The following MICALL2 variants were observed in gnomAD, a reference collection of about 807,000 sequenced individuals.
MICALL2 encodes the protein MICAL like 2, also known as MICAL-like protein 2.
In MICALL2, 111 loss-of-function variants were observed where a neutral mutation model predicts 91.1. The ratio of observed to expected loss-of-function variants is 1.22; its 90% CI spans 1.04 to 1.43. The LOEUF is 1.43. Among genes scored for constraint, MICALL2 ranks in the 40% most tolerant of loss-of-function variants. MICALL2 has a pLI of 0.00. For missense variants in MICALL2, 1,556 were observed against 1,236.0 expected, an observed-to-expected ratio of 1.26 and a Z score of -3.88; for synonymous variants, 694 against 525.3, an observed-to-expected ratio of 1.32 and a Z score of -4.39.
Position 1,444,709 on chromosome 7 carries a change from T to C in MICALL2, c.1361A>G (p.Asn454Ser). Residue 454 changes from asparagine to serine, a missense_variant, in exon 6 of 17, where the codon AAC becomes AGC. Physicochemically the swap from Asn to Ser is conservative, Grantham distance 46. Coordinates refer to ENST00000297508, the MANE Select transcript of MICALL2 (RefSeq NM_182924.4). The part of the protein sequence containing the change: ...SKDSSKEQAR[N>S]FLKQALSALE... ...CGCTGAGAGGGCCTGCTTGAGGAAG[T>C]TCCGCGCCTGCTCCTTGCTGCTGTC... The C allele has an allele frequency of 6.2e-7, 1 of 1,612,370 alleles. No homozygotes were observed. Among genetic ancestry groups the C allele is most frequent in the South Asian group, 1.1e-5 (1 of 91,078 alleles).
intron 16 of MICALL2, 148 bp downstream of exon 16, chr7:1,434,953 G>A: frequency 1.1e-6 from 1 of 914,910 alleles, no homozygotes; most frequent in Non-Finnish European, 1.7e-6. Context: ...TGCCTGTCCT[G>A]TCACCAAGGC....
At chr7:1,458,285 GGCCCCAGGTGCT>G (rs1185944722) in intron 1 of MICALL2, among the ~76,000 whole-genome samples, 2 of 152,174 alleles carry the variant, frequency 1.3e-5, no homozygotes, top group Non-Finnish European at 2.9e-5. Context: ...GCCTGACAGA[GGCCCCAGGTGCT>G]GCCTGTGGCT....
rs749064062 is a variant in MICALL2, at chr7:1,448,795, T to C, written c.193-34A>G. The stretch of plus-strand genomic sequence containing the variant: ...GGTGGGAGGGGGTCAGCGGGGCAGC[T>C]GGGAGCCCCCTCCTTCTCCACCAGG... On this transcript the variant is annotated intron_variant, in intron 2 of 16. Coordinates refer to ENST00000297508, the MANE Select transcript of MICALL2 (RefSeq NM_182924.4). 3.1e-6 allele frequency: 5 copies of C among 1,608,796 alleles called. No homozygotes were observed. The East Asian group carries it at 8.9e-5, about 29-fold the overall frequency.
In MICALL2 at chr7:1,435,117, G is replaced by T. The variant is rs1315139015; in HGVS notation, c.2622C>A (p.Asp874Glu). 6.2e-7 allele frequency: 1 copy of T among 1,613,402 alleles called. No homozygotes were observed. Among genetic ancestry groups the T allele is most frequent in the Non-Finnish European group, 8.5e-7 (1 of 1,179,968 alleles). Residue 874 changes from aspartate to glutamate, a missense_variant, in exon 16 of 17, where the codon GAC (aspartate) becomes GAA (glutamate). By Grantham distance (45) the Asp-to-Glu change is conservative. Coordinates refer to ENST00000297508, the MANE Select transcript of MICALL2 (RefSeq NM_182924.4). Reference protein sequence around the residue: ...REQEEDQMLRDMIEKLGLQRK... With the variant: ...REQEEDQMLREMIEKLGLQRK... ...CCCAGTCACCCAGCTTCTCAATCAT[G>T]TCCCGCAGCATCTGATCCTCCTCTT...
chr7:1,438,484 C>T (rs556658340), intron 10 of MICALL2, 131 bp from the exon 11 acceptor site: 15 of 1,478,222 alleles, frequency 1.0e-5, no homozygotes, highest in Middle Eastern at 2.5e-4. Context: ...ATGCCCCACA[C>T]GCCCACTGGA....
Position 1,440,683 on chromosome 7 carries a change from G to A in MICALL2, c.1713C>T (p.Asp571=). 5 of 1,611,156 alleles carry A rather than the reference G, an allele frequency of 3.1e-6. No individual in the cohort carries two copies. The highest frequency in any genetic ancestry group is 4.2e-6 in the Non-Finnish European group (5 of 1,179,640). Residue 571 remains aspartate, a splice_region_variant and synonymous_variant, in exon 8 of 17, where the codon GAC becomes GAT. Transcript: ENST00000297508. ...GGCCTTCCTGGAGGCTGGTGCTCAT[G>A]TCTGGGTGGGAGGCAAGGGGTCTGG... The part of the protein sequence containing the change: ...AKGKSTTLTQ[D]MSTSLQEGQE...
rs189001253 is a variant in MICALL2 at position 1,445,216 on chromosome 7, G to T, written c.854C>A (p.Ser285Ter). The T allele has an allele frequency of 1.2e-6, 2 of 1,606,392 alleles. No individual in the cohort carries two copies. The part of the protein sequence containing the change: ...KAQEANKARP[S>*]AWEPAAGNSP... ...GTTGCCCGCAGCAGGCTCCCAGGCC[G>T]ACGGTCTGGCCTTGTTTGCCTCCTG... Residue 285 changes from serine to a stop codon, truncating the protein, a stop_gained, in exon 6 of 17, where the codon TCG becomes TAG. Transcript: ENST00000297508. LOFTEE classifies it high-confidence loss of function.
rs1235782936 is a variant in MICALL2, at chr7:1,446,545, G to A, written c.641+168C>T. ...GGGAGAAGGGGAGGAGAGGGGAGGA[G>A]GCGGGAGGAGGGGAGACGGGGAGGG... On this transcript the variant is annotated intron_variant, in intron 5 of 16. Coordinates refer to ENST00000297508, the MANE Select transcript of MICALL2 (RefSeq NM_182924.4). 6 of 568,758 alleles carry A rather than the reference G, an allele frequency of 1.1e-5. No individual in the cohort carries two copies. The Admixed American group carries it at 1.6e-4, about 15-fold the overall frequency. 35.2% of individuals were successfully genotyped at this position (568,758 alleles called of 1,614,324 possible). A position where few individuals can be genotyped will look rare whatever the true frequency, so the allele number is the denominator to read the frequency against.
intron 10 of MICALL2, 152 bp downstream of exon 10, chr7:1,438,688 G>A: frequency 6.8e-7 from 1 of 1,466,108 alleles, no homozygotes. Context: ...ATGAGGGCGG[G>A]CCTGGGGCAC....
chr7:1,445,417 C>T lies in MICALL2; in HGVS notation c.653G>A (p.Cys218Tyr). The T allele has an allele frequency of 6.5e-7, 1 of 1,543,912 alleles. No individual in the cohort carries two copies. The highest frequency in any genetic ancestry group is 2.4e-5 in the East Asian group (1 of 41,448). The change falls in exon 6 of 17, where the codon TGC (cysteine) becomes TAC (tyrosine). Residue 218 changes from cysteine (C) to tyrosine (Y), a missense_variant. Transcript: ENST00000297508. ...GGCCCCCGAGTGCAGCGTGCAGGAG[C>T]ACTGCTTACACCTGGGGGAGGAAAG... is the stretch of plus-strand genomic sequence containing the variant. ...YHRSCFRCKQ[C>Y]SCTLHSGAYK...
intron 9 of MICALL2, 86 bp from the exon 10 acceptor site, chr7:1,439,081 C>A (rs1218470262): frequency 6.3e-6 from 7 of 1,108,542 alleles, no homozygotes; most frequent in African/African-American, 1.6e-5. Flanking sequence ...CAACAGCTCG[C>A]TGGGTAGCCC....
At chr7:1,439,155 C>T (rs958492846) in intron 9 of MICALL2, 160 bp from the exon 10 acceptor site, 34 of 608,790 alleles carry the variant, frequency 5.6e-5, no homozygotes, top group Admixed American at 1.6e-4. Context: ...CCTACACCCA[C>T]GTCCTGCCCA....
rs770011692 is a variant in MICALL2 at position 1,445,134 on chromosome 7, C to A, written c.936G>T (p.Thr312=). The part of the protein sequence containing the change: ...AAPNPAATSA[T]SVHVRSPARP... ...TGGCTGGGCTCCTCACGTGGACGGA[C>A]GTGGCGCTGGTGGCTGCAGGGTTGG... Residue 312 remains threonine, a synonymous_variant, in exon 6 of 17, where the codon ACG becomes ACT. Coordinates refer to ENST00000297508, the MANE Select transcript of MICALL2 (RefSeq NM_182924.4). 2 of 1,563,728 alleles carry A rather than the reference C, an allele frequency of 1.3e-6. No homozygotes were observed. Among genetic ancestry groups the A allele is most frequent in the Non-Finnish European group, 1.7e-6 (2 of 1,155,080 alleles).
chr7:1,458,575 C>T (rs749231778), intron 1 of MICALL2, among the ~76,000 whole-genome samples: 19 of 152,250 alleles, frequency 1.2e-4, no homozygotes, highest in Non-Finnish European at 2.4e-4. Flanking sequence ...CACGCCAAGA[C>T]CCTCCTGGGG....
At chr7:1,453,013 TC>T (rs979258735) in intron 1 of MICALL2, among the ~76,000 whole-genome samples, 1 of 151,090 alleles carries the variant, frequency 6.6e-6, no homozygotes, top group African/African-American at 2.4e-5. Context: ...CACCTTGCTG[TC>T]CCCGAGCTCA....
intron 9 of MICALL2, 96 bp from the exon 10 acceptor site, chr7:1,439,091 C>G (rs908970447): frequency 3.0e-6 from 3 of 1,001,020 alleles, no homozygotes; most frequent in Non-Finnish European, 4.3e-6. Flanking sequence ...CTGGGTAGCC[C>G]GGCCATCCCC....
chr7:1,442,324 GA>G lies in MICALL2; in HGVS notation c.1578del (p.Gln527ArgfsTer42), dbSNP rs891659553. The G allele has an allele frequency of 6.2e-7, 1 of 1,613,084 alleles. No homozygotes were observed. Among genetic ancestry groups the G allele is most frequent in the Non-Finnish European group, 8.5e-7 (1 of 1,179,892 alleles). ...CCTGCCGGGGGCAACGCGGATGCCT[GA>G]GAGGTACTGCTCGTGCTCAGCGGGG... ...PPAPLSTSST[S>X]QASALPPAGR... On this transcript the variant is annotated frameshift_variant, in exon 7 of 17. Transcript: ENST00000297508. LOFTEE classifies it high-confidence loss of function.
At chr7:1,438,682 G>A (rs1247163082) in intron 10 of MICALL2, 158 bp downstream of exon 10, 13 of 1,459,492 alleles carry the variant, frequency 8.9e-6, no homozygotes, top group African/African-American at 7.1e-5. Context: ...CTATTCATGA[G>A]GGCGGGCCTG....
rs989896028 is a variant in MICALL2, at chr7:1,452,434, C to G, written c.144-2146G>C. Among the ~76,000 whole-genome samples the G allele has an allele frequency of 6.6e-6, 1 of 152,128 alleles. No individual in the cohort carries two copies. The highest frequency in any genetic ancestry group is 2.4e-5 in the African/African-American group (1 of 41,418). ...AGCCGGCTCTCCCTCCCTCTCTCCC[C>G]GCCCCCAGCCCTTTGAAAGCTCAAG... On this transcript the variant is annotated intron_variant, in intron 1 of 16. Coordinates refer to ENST00000297508, the MANE Select transcript of MICALL2 (RefSeq NM_182924.4). This position sits in a 1 kb window ranked among gnomAD's most constrained non-coding sequence, Gnocchi z 6.2.
Sources: gnomAD v4.1 joint callset for allele counts (sites outside exome capture counted in the v4.1 genomes callset) on GRCh38, gnomAD v4.1.1 for gene constraint, Gnocchi (gnomAD v3.1) non-coding constraint, MANE v1.5 for transcripts, NCBI Gene and HGNC (gene_info 2026-07-23, HGNC 2026-07-21) for gene names.